Variants in FOXN3 observed in about 807,000 individuals in gnomAD.
The protein encoded by FOXN3 is forkhead box protein N3.
A neutral mutation model predicts 38.4 loss-of-function variants in FOXN3; 7 were observed. The ratio of observed to expected loss-of-function variants is 0.18; its 90% CI spans 0.10 to 0.34. The LOEUF is 0.34. FOXN3 is among the 10% of genes least tolerant of loss of function. The pLI is 1.00. For missense variants in FOXN3, 456 were observed against 613.4 expected (o/e 0.74, Z 2.71); for synonymous variants, 230 against 242.2 (o/e 0.95, Z 0.47).
intron 1 of FOXN3, among the ~76,000 whole-genome samples, chr14:89,612,041 G>T (rs982201964): frequency 2.0e-5 from 3 of 152,114 alleles, no homozygotes; most frequent in Non-Finnish European, 2.9e-5. Flanking sequence ...AGGAGCAGTT[G>T]TGAGGTGGTC....
intron 1 of FOXN3, among the ~76,000 whole-genome samples, chr14:89,436,206 C>T (rs529057256): frequency 2.8e-4 from 42 of 148,120 alleles, no homozygotes; most frequent in African/African-American, 9.7e-4. Flanking sequence ...CCTGACTTAT[C>T]ATTATAATCT....
intron 1 of FOXN3, among the ~76,000 whole-genome samples, chr14:89,460,886 G>C (rs534712330): frequency 3.3e-5 from 5 of 151,572 alleles, no homozygotes; most frequent in Non-Finnish European, 7.4e-5. Flanking sequence ...AAATTAGTCA[G>C]GCATGGTGGC....
At chr14:89,254,526 G>C (rs986466612) in intron 4 of FOXN3, among the ~76,000 whole-genome samples, 3 of 152,106 alleles carry the variant, frequency 2.0e-5, no homozygotes, top group Admixed American at 1.3e-4. Context: ...GGCATGCCCG[G>C]GGATGCTCCA....
chr14:89,169,282 A>G (rs1312354694), intron 5 of FOXN3, among the ~76,000 whole-genome samples: 2 of 152,104 alleles, frequency 1.3e-5, no homozygotes, highest in African/African-American at 4.8e-5. Context: ...CTCTACAAAA[A>G]TGCAAAAAAT....
chr14:89,224,258 T>C (rs1461946523), intron 4 of FOXN3, among the ~76,000 whole-genome samples: 2 of 152,184 alleles, frequency 1.3e-5, no homozygotes, highest in African/African-American at 2.4e-5. Flanking sequence ...CCTTTACAAA[T>C]GCAGCTTAAA....
chr14:89,377,042 A>C (rs1032505835), intron 2 of FOXN3, among the ~76,000 whole-genome samples: 2 of 128,346 alleles, frequency 1.6e-5, no homozygotes, highest in African/African-American at 5.7e-5. Context: ...AAAAAAAAAA[A>C]AAAAAAAAAA....
intron 2 of FOXN3, among the ~76,000 whole-genome samples, chr14:89,390,275 A>C (rs1890905004): frequency 6.9e-6 from 1 of 145,366 alleles, no homozygotes; most frequent in African/African-American, 2.5e-5. Context: ...ATGTTTCAAT[A>C]GATCTCTCTC....
upstream of FOXN3, among the ~76,000 whole-genome samples, chr14:89,421,522 A>C (rs1289562236): frequency 1.4e-5 from 1 of 72,068 alleles, no homozygotes; most frequent in Non-Finnish European, 2.9e-5. Flanking sequence ...GTTTCCACCC[A>C]GGGAAATTTT....
At chr14:89,452,168 G>A (rs1282171687) in intron 1 of FOXN3, among the ~76,000 whole-genome samples, 1 of 152,164 alleles carries the variant, frequency 6.6e-6, no homozygotes, top group African/African-American at 2.4e-5. Flanking sequence ...TGTGCCCCAG[G>A]ATGTAAAGGT....
In FOXN3 at chr14:89,406,998, G is replaced by GAAA. The variant is rs35141347; in HGVS notation, c.543+4933_543+4935dup. 2.3e-5 allele frequency among the ~76,000 whole-genome samples: 3 copies of GAAA among 128,458 alleles called. No individual in the cohort carries two copies. In the Admixed American group the frequency reaches 2.4e-4, roughly 10 times the overall value. The allele number at this position is 128,458 out of a possible 152,430, so 84.3% of individuals were successfully genotyped here. ...GGCACAGATCATCCATAGACGAAAT[G>GAAA]AAAAAAAAAAAAAAAAAACTAATGA... On this transcript the variant is annotated intron_variant, in intron 2 of 5. Coordinates refer to ENST00000557258, the MANE Select transcript of FOXN3 (RefSeq NM_005197.4).
intron 2 of FOXN3, among the ~76,000 whole-genome samples, chr14:89,363,971 TATATATATATATATATAA>T (rs1174888493): frequency 2.0e-5 from 1 of 49,440 alleles, no homozygotes; most frequent in Non-Finnish European, 4.6e-5. Flanking sequence ...TATATATATA[TATATATATATATATATAA>T]TATATATATA....
At chr14:89,227,382 C>T (rs983579598) in intron 4 of FOXN3, among the ~76,000 whole-genome samples, 18 of 152,240 alleles carry the variant, frequency 1.2e-4, no homozygotes, top group African/African-American at 3.9e-4. Context: ...TCTTTGCTCT[C>T]ATTTAATTCT....
chr14:89,330,627 G>A (rs1401258989), intron 3 of FOXN3, among the ~76,000 whole-genome samples: 1 of 152,210 alleles, frequency 6.6e-6, no homozygotes, highest in East Asian at 1.9e-4. Context: ...GATGAAAGGG[G>A]TGAGACCAAA....
At chr14:89,324,655 T>C (rs938202671) in intron 3 of FOXN3, among the ~76,000 whole-genome samples, 2 of 152,124 alleles carry the variant, frequency 1.3e-5, no homozygotes, top group African/African-American at 4.8e-5. Flanking sequence ...GCTACAGAAC[T>C]TTTTTCTTTG....
chr14:89,446,302 C>T (rs1429078767), intron 1 of FOXN3, among the ~76,000 whole-genome samples: 1 of 149,520 alleles, frequency 6.7e-6, no homozygotes, highest in African/African-American at 2.5e-5. Flanking sequence ...GATTCTCCTG[C>T]CTCAGCCTCC....
At chr14:89,499,675 A>C (rs1485843962) in intron 1 of FOXN3, among the ~76,000 whole-genome samples, 2 of 152,146 alleles carry the variant, frequency 1.3e-5, no homozygotes, top group Non-Finnish European at 2.9e-5. Flanking sequence ...ATCGAGAGGA[A>C]CTGGTTTTAA....
intron 1 of FOXN3, among the ~76,000 whole-genome samples, chr14:89,611,749 T>C (rs1215950916): frequency 2.9e-5 from 4 of 140,214 alleles, no homozygotes; most frequent in African/African-American, 8.4e-5. Context: ...GAGCTTGCAG[T>C]GAGCCGAGAT....
At chr14:89,572,337 AT>A (rs1311964076) in intron 1 of FOXN3, among the ~76,000 whole-genome samples, 4 of 152,238 alleles carry the variant, frequency 2.6e-5, no homozygotes, top group African/African-American at 9.6e-5. Context: ...ATATGTGGAA[AT>A]TTGTATTCTC....
Position 89,161,540 on chromosome 14 carries a change from T to TTC in FOXN3, c.*872_*873dup. ...ACACAGCTTGTTTTCCCCATCAGTT[T>TTC]TCTCTCTCTCTCCTTCGTGTGTGTG... is the stretch of plus-strand genomic sequence containing the variant. On this transcript the variant is annotated 3_prime_UTR_variant, in exon 6 of 6. Coordinates refer to ENST00000557258, the MANE Select transcript of FOXN3 (RefSeq NM_005197.4). 6.7e-6 allele frequency: 1 copy of TTC among 148,560 alleles called. No individual in the cohort carries two copies. Among genetic ancestry groups the TTC allele is most frequent in the Non-Finnish European group, 1.5e-5 (1 of 67,478 alleles). 9.2% of individuals were successfully genotyped at this position (148,560 alleles called of 1,614,324 possible). A position where few individuals can be genotyped will look rare whatever the true frequency, so the allele number is the denominator to read the frequency against.
Sources: gnomAD v4.1 joint callset for allele counts (sites outside exome capture counted in the v4.1 genomes callset) on GRCh38, gnomAD v4.1.1 for gene constraint, MANE v1.5 for transcripts, NCBI Gene and HGNC (gene_info 2026-07-23, HGNC 2026-07-21) for gene names.